The following ARHGAP6 variants were observed in gnomAD, a reference collection of about 807,000 sequenced individuals.
The protein encoded by ARHGAP6 is rho GTPase-activating protein 6.
Under a neutral mutation model 55.7 loss-of-function variants are expected in ARHGAP6, and 16 were observed. That is an observed-to-expected ratio of 0.29 (90% CI 0.19 to 0.44). ARHGAP6 has a LOEUF of 0.44. Among genes scored for constraint, ARHGAP6 ranks in the 20% least tolerant of loss-of-function variants. The pLI is 1.00. For missense variants in ARHGAP6, 698 were observed against 808.9 expected (o/e 0.86, Z 1.66); for synonymous variants, 382 against 360.9 (o/e 1.06, Z -0.66).
Position 11,613,046 on chromosome X carries a change from T to C in ARHGAP6, c.588+51195A>G, listed in dbSNP as rs752220980. 7.1e-5 allele frequency among the ~76,000 whole-genome samples: 8 copies of C among 113,035 alleles called. No individual in the cohort carries two copies. In the East Asian group the frequency reaches 1.7e-3, roughly 24 times the overall value. On this transcript the variant is annotated intron_variant, in intron 1 of 12. Coordinates refer to ENST00000337414, the MANE Select transcript of ARHGAP6 (RefSeq NM_013427.3). ...ATCAGTGATCACTGCCTGTAGCAGA[T>C]AGCTTCAGAAGCCAACAATATGATA...
At chrX:11,381,586 A>G (rs2049263564) in intron 1 of ARHGAP6, among the ~76,000 whole-genome samples, 1 of 111,772 alleles carries the variant, frequency 8.9e-6, no homozygotes, top group Admixed American at 9.5e-5. Flanking sequence ...CTGTATTTAC[A>G]TATCTCGTAC....
At chrX:11,597,627 C>T (rs1474353410) in intron 1 of ARHGAP6, among the ~76,000 whole-genome samples, 2 of 112,051 alleles carry the variant, frequency 1.8e-5, no homozygotes, top group Admixed American at 9.5e-5. Flanking sequence ...ATATAAAAAG[C>T]AAAGCCAAAA....
intron 1 of ARHGAP6, among the ~76,000 whole-genome samples, chrX:11,605,517 C>T (rs985068520): frequency 4.5e-5 from 5 of 111,549 alleles, no homozygotes; most frequent in Admixed American, 1.9e-4. Context: ...TGTACAAGAG[C>T]TCTCTGGATA....
intron 1 of ARHGAP6, among the ~76,000 whole-genome samples, chrX:11,584,109 T>C (rs2051697635): frequency 8.9e-6 from 1 of 112,224 alleles, no homozygotes; most frequent in South Asian, 3.6e-4. Context: ...GGAACTAATA[T>C]GAAAGCAATA....
intron 1 of ARHGAP6, among the ~76,000 whole-genome samples, chrX:11,322,630 A>G (rs2048448013): frequency 8.9e-6 from 1 of 112,305 alleles, no homozygotes; most frequent in African/African-American, 3.2e-5. Flanking sequence ...AAGATAGCAT[A>G]CATTCACATA....
intron 1 of ARHGAP6, among the ~76,000 whole-genome samples, chrX:11,409,475 A>AC (rs1408852341): frequency 9.0e-6 from 1 of 110,682 alleles, no homozygotes; most frequent in Non-Finnish European, 1.9e-5. Context: ...GAAGTGGATG[A>AC]CCCCCTGCCA....
chrX:11,395,570 T>C (rs1253948233), intron 1 of ARHGAP6, among the ~76,000 whole-genome samples: 2 of 111,901 alleles, frequency 1.8e-5, no homozygotes, highest in African/African-American at 3.3e-5. Context: ...ACACAACTGG[T>C]TCTCCAGCCA....
intron 1 of ARHGAP6, among the ~76,000 whole-genome samples, chrX:11,606,917 T>C (rs1330505811): frequency 3.6e-5 from 4 of 112,013 alleles, no homozygotes; most frequent in Non-Finnish European, 7.5e-5. Context: ...AACCACTTCA[T>C]TCAATACTTC....
intron 1 of ARHGAP6, among the ~76,000 whole-genome samples, chrX:11,629,721 G>C (rs972201688): frequency 1.4e-4 from 15 of 110,901 alleles, no homozygotes; most frequent in African/African-American, 4.6e-4. Flanking sequence ...GCACTGAGTG[G>C]CCACAGGATG....
chrX:11,522,057 A>C (rs2050935023), intron 1 of ARHGAP6, among the ~76,000 whole-genome samples: 1 of 111,610 alleles, frequency 9.0e-6, no homozygotes, highest in African/African-American at 3.3e-5. Flanking sequence ...GGTGCAATCA[A>C]ACTAGAACTC....
chrX:11,207,986 C>A (rs2046731593), intron 2 of ARHGAP6, among the ~76,000 whole-genome samples: 1 of 111,362 alleles, frequency 9.0e-6, no homozygotes, highest in African/African-American at 3.3e-5. Flanking sequence ...GTCATCAATT[C>A]CCAATGTTAT....
intron 3 of ARHGAP6, among the ~76,000 whole-genome samples, chrX:11,192,333 C>T (rs1400502792): frequency 5.4e-5 from 6 of 111,551 alleles, no homozygotes. Context: ...CTCTCCACTT[C>T]CACGATCACT....
intron 2 of ARHGAP6, among the ~76,000 whole-genome samples, chrX:11,233,759 G>T (rs1268456187): frequency 7.1e-5 from 8 of 112,108 alleles, no homozygotes; most frequent in Admixed American, 3.8e-4. Flanking sequence ...GGTACACATG[G>T]AATAAATTAT....
At chrX:11,296,216 A>G (rs1463652258) in intron 1 of ARHGAP6, among the ~76,000 whole-genome samples, 5 of 112,165 alleles carry the variant, frequency 4.5e-5, no homozygotes, top group Non-Finnish European at 9.4e-5. Context: ...CTTTTGTTGT[A>G]TGGAAGTGTT....
chrX:11,500,311 C>A (rs1472538894), intron 1 of ARHGAP6, among the ~76,000 whole-genome samples: 1 of 106,526 alleles, frequency 9.4e-6, no homozygotes, highest in Non-Finnish European at 1.9e-5. Flanking sequence ...AATAAAATAC[C>A]CTTTTCCAAA....
At chrX:11,176,255 A>T (rs192073159) in intron 8 of ARHGAP6, among the ~76,000 whole-genome samples, 981 of 60,351 alleles carry the variant, frequency 0.016, 42 homozygotes, top group African/African-American at 0.058. Flanking sequence ...ATATATATAT[A>T]TATATATATT....
At chrX:11,399,010 G>A (rs991117013) in intron 1 of ARHGAP6, among the ~76,000 whole-genome samples, 1 of 111,984 alleles carries the variant, frequency 8.9e-6, no homozygotes, top group African/African-American at 3.2e-5. Flanking sequence ...TACATCCAAA[G>A]TTACTGCTAG....
At chrX:11,527,915 T>A (rs778270076) in intron 1 of ARHGAP6, among the ~76,000 whole-genome samples, 1 of 112,549 alleles carries the variant, frequency 8.9e-6, no homozygotes, top group Non-Finnish European at 1.9e-5. Flanking sequence ...AAATACCACA[T>A]GGAATATACT....
chrX:11,665,017 G>A lies in ARHGAP6; in HGVS notation c.-189C>T, dbSNP rs1255975037. 1.0e-5 allele frequency: 4 copies of A among 400,647 alleles called. No individual in the cohort carries two copies. In the East Asian group the frequency reaches 1.3e-4, roughly 13 times the overall value. The allele number at this position is 400,647 out of a possible 1,213,427, so 33.0% of individuals were successfully genotyped here. Reference sequence around the variant, plus strand: ...GCTCCAAGTGCCCCGGCGGCGGCAGGAGCAGCAGATCCATCACCAGCCTTC... The same window carrying A: ...GCTCCAAGTGCCCCGGCGGCGGCAGAAGCAGCAGATCCATCACCAGCCTTC... On this transcript the variant is annotated 5_prime_UTR_variant, in exon 1 of 13. Transcript: ENST00000337414.
Sources: allele counts gnomAD v4.1 joint callset (sites outside exome capture counted in the v4.1 genomes callset), GRCh38; gene constraint gnomAD v4.1.1; transcripts MANE v1.5; gene names NCBI Gene and HGNC (gene_info 2026-07-23, HGNC 2026-07-21).